TSNAXIP1: variants seen among roughly 807,000 people sequenced by gnomAD.
TSNAXIP1 encodes the protein translin-associated factor X-interacting protein 1.
TSNAXIP1 carries 89 observed loss-of-function variants against 84.8 expected under a neutral mutation model. That is an observed-to-expected ratio of 1.05 (90% CI 0.88 to 1.25). The LOEUF is 1.25. TSNAXIP1 is among the 50% of genes most tolerant of loss of function. The probability of loss-of-function intolerance (pLI) is 0.00; values close to 1 mark genes in which losing one functional copy is unlikely to be tolerated. For missense variants in TSNAXIP1, 874 were observed against 887.6 expected (o/e 0.98, Z 0.20); for synonymous variants, 347 against 335.2 (o/e 1.04, Z -0.39).
intron 2 of TSNAXIP1, among the ~76,000 whole-genome samples, chr16:67,820,144 G>T (rs1188674728): frequency 6.6e-6 from 1 of 150,968 alleles, no homozygotes; most frequent in Non-Finnish European, 1.5e-5. Context: ...TTTTAGTAGA[G>T]ACGGGGTTTC....
chr16:67,811,041 C>G (rs947416068), intron 1 of TSNAXIP1, among the ~76,000 whole-genome samples: 1 of 151,630 alleles, frequency 6.6e-6, no homozygotes, highest in Non-Finnish European at 1.5e-5. Context: ...AGGCAGGTCT[C>G]GAACTCCTGG....
Position 67,828,049 on chromosome 16 carries a change from A to T in TSNAXIP1, c.*56A>T. On this transcript the variant is annotated 3_prime_UTR_variant, in exon 16 of 16. Transcript: ENST00000561639. ...CTGCTAACCCCTAGCTTTTAATATA[A>T]AAGTGTTTGTCTGAATCCATGCCAT... The T allele has an allele frequency of 6.3e-7, 1 of 1,588,694 alleles. No homozygotes were observed. Among genetic ancestry groups the T allele is most frequent in the South Asian group, 1.1e-5 (1 of 87,788 alleles).
In TSNAXIP1 at chr16:67,825,051, C is replaced by T. The variant is rs113741143; in HGVS notation, c.679-86C>T. ...TGTTCACAGTCCCTGATGGGGCCCC[C>T]CAGAACCCAGCCCACTCCCTGGGGT... On this transcript the variant is annotated intron_variant, in intron 6 of 15. Coordinates refer to ENST00000561639, the MANE Select transcript of TSNAXIP1 (RefSeq NM_001288990.3). The T allele has an allele frequency of 3.8e-3, 5,882 of 1,549,590 alleles. 18 individuals are homozygous for T. Among genetic ancestry groups the T allele is most frequent in the Middle Eastern group, 0.015 (64 of 4,328 alleles).
chr16:67,825,199 C>T lies in TSNAXIP1; in HGVS notation c.741C>T (p.Ala247=). 1 of 1,614,184 alleles carries T rather than the reference C, an allele frequency of 6.2e-7. No individual in the cohort carries two copies. The change falls in exon 7 of 16, where the codon GCC becomes GCT. Residue 247 remains alanine (A), a synonymous_variant. Coordinates refer to ENST00000561639, the MANE Select transcript of TSNAXIP1 (RefSeq NM_001288990.3). ...TGCACTACCTCAGTGAGCGAGATGC[C>T]TGTAAGATCCTCATCGCAGACCTGA... ...EYLHYLSERD[A]CKILIADLNE...
chr16:67,819,586 C>T (rs2056865763), intron 2 of TSNAXIP1, among the ~76,000 whole-genome samples: 1 of 151,202 alleles, frequency 6.6e-6, no homozygotes, highest in African/African-American at 2.4e-5. Flanking sequence ...AATAGCTAAT[C>T]TTTACTGAGT....
In TSNAXIP1 at chr16:67,826,963, C is replaced by T. The variant is rs147482112; in HGVS notation, c.1555C>T (p.Arg519Trp). The T allele has an allele frequency of 1.1e-5, 18 of 1,613,890 alleles. No homozygotes were observed. Among genetic ancestry groups the T allele is most frequent in the South Asian group, 3.3e-5 (3 of 91,068 alleles). Residue 519 changes from arginine to tryptophan, a missense_variant and splice_region_variant, in exon 13 of 16, where the codon CGG (arginine) becomes TGG (tryptophan). Physicochemically the swap from Arg to Trp is moderately radical, Grantham distance 101. Coordinates refer to ENST00000561639, the MANE Select transcript of TSNAXIP1 (RefSeq NM_001288990.3). ...SQFYAVLMGK[R>W]SENVYVTQKE... is the part of the protein sequence containing the mutation. Reference sequence around the variant, plus strand: ...GTGAATAATGCTTCTCTCCTTATAGCGGAGTGAGAATGTGTATGTCACCCA... The same window carrying T: ...GTGAATAATGCTTCTCTCCTTATAGTGGAGTGAGAATGTGTATGTCACCCA...
Position 67,821,121 on chromosome 16 carries a change from C to A in TSNAXIP1, c.283C>A (p.Arg95Ser), listed in dbSNP as rs747610440. The A allele has an allele frequency of 1.8e-5, 29 of 1,613,152 alleles. 1 individual carries two copies. In the South Asian group the frequency reaches 2.9e-4, roughly 16 times the overall value. The change falls in exon 4 of 16, where the codon CGC (arginine) becomes AGC (serine). Residue 95 changes from arginine (R) to serine (S), a missense_variant. Physicochemically the swap from Arg to Ser is moderately radical, Grantham distance 110. Transcript: ENST00000561639. Reference protein sequence around the residue: ...RVGSCQQHPFRTAKPQYLEEL... With the variant: ...RVGSCQQHPFSTAKPQYLEEL... Reference sequence around the variant, plus strand: ...CAGGAGCTGCCAGCAGCACCCCTTTCGCACTGCCAAGCCCCAGTACTTGGA... The same window carrying A: ...CAGGAGCTGCCAGCAGCACCCCTTTAGCACTGCCAAGCCCCAGTACTTGGA...
At chr16:67,812,357 AT>A (rs902531165) in intron 1 of TSNAXIP1, among the ~76,000 whole-genome samples, 3 of 150,532 alleles carry the variant, frequency 2.0e-5, no homozygotes, top group Non-Finnish European at 3.0e-5. Flanking sequence ...TGCATATCTC[AT>A]TTTTTTTTAT....
intron 2 of TSNAXIP1, 119 bp downstream of exon 2, chr16:67,814,520 A>G (rs2056380263): frequency 2.4e-6 from 2 of 830,216 alleles, no homozygotes; most frequent in African/African-American, 3.4e-5. Flanking sequence ...CATGCCCACC[A>G]GAGTGGCTTC....
intron 10 of TSNAXIP1, 69 bp from the exon 11 acceptor site, chr16:67,826,367 TG>T (rs1228692762): frequency 6.2e-7 from 1 of 1,607,220 alleles, no homozygotes; most frequent in African/African-American, 1.3e-5. Flanking sequence ...GGGAACCAAC[TG>T]GGGATCTTCC....
Position 67,824,404 on chromosome 16 carries a change from G to A in TSNAXIP1, c.482-179G>A, listed in dbSNP as rs1410706241. ...AGACCCCGGTCTTCATCTGAACTCT[G>A]CCCTTTGTTTAAAATCAAGTGCAGG... is the stretch of plus-strand genomic sequence containing the variant. On this transcript the variant is annotated intron_variant, in intron 5 of 15. Coordinates refer to ENST00000561639, the MANE Select transcript of TSNAXIP1 (RefSeq NM_001288990.3). 5.3e-5 allele frequency among the ~76,000 whole-genome samples: 8 copies of A among 152,320 alleles called. No individual in the cohort carries two copies. The East Asian group carries it at 1.2e-3, about 22-fold the overall frequency.
rs1783805951 is a variant in TSNAXIP1, at chr16:67,807,503, CG to C, written c.47+308del. On this transcript the variant is annotated intron_variant, in intron 1 of 15. Coordinates refer to ENST00000561639, the MANE Select transcript of TSNAXIP1 (RefSeq NM_001288990.3). ...TTTTTGAGACAAGATCTCGTTCTGTCGCCCAGGCTGGAGTGCAGTGGCACTA... is the reference window on the plus strand; with the variant it reads ...TTTTTGAGACAAGATCTCGTTCTGTCCCCAGGCTGGAGTGCAGTGGCACTA... The C allele has an allele frequency of 3.7e-5, 36 of 976,808 alleles. 1 individual carries two copies. The South Asian group carries it at 5.7e-4, about 15-fold the overall frequency. The allele number at this position is 976,808 out of a possible 1,614,324, so 60.5% of individuals were successfully genotyped here.
rs373801439 is a variant in TSNAXIP1 at position 67,821,104 on chromosome 16, G to T, written c.266G>T (p.Cys89Phe). Residue 89 changes from cysteine to phenylalanine, a missense_variant, in exon 4 of 16, where the codon TGC becomes TTC. Coordinates refer to ENST00000561639, the MANE Select transcript of TSNAXIP1 (RefSeq NM_001288990.3). ...TCAGCCACTGTCCCCTGCAGGAGCT[G>T]CCAGCAGCACCCCTTTCGCACTGCC... Reference protein sequence around the residue: ...SDDYRKRVGSCQQHPFRTAKP... With the variant: ...SDDYRKRVGSFQQHPFRTAKP... 6.2e-7 allele frequency: 1 copy of T among 1,613,258 alleles called. No individual in the cohort carries two copies. The highest frequency in any genetic ancestry group is 8.5e-7 in the Non-Finnish European group (1 of 1,179,778).
intron 2 of TSNAXIP1, among the ~76,000 whole-genome samples, chr16:67,819,811 CTAAA>C (rs1205868941): frequency 7.7e-6 from 1 of 129,836 alleles, no homozygotes; most frequent in Non-Finnish European, 1.6e-5. Flanking sequence ...CCACACCTGG[CTAAA>C]TTTTTTTTTT....
chr16:67,827,640 C>G, intron 15 of TSNAXIP1, 61 bp downstream of exon 15: 1 of 1,611,482 alleles, frequency 6.2e-7, no homozygotes, highest in South Asian at 1.1e-5. Flanking sequence ...CCCTGGGTCT[C>G]CCTGTGCACC....
intron 4 of TSNAXIP1, among the ~76,000 whole-genome samples, chr16:67,822,278 C>CAA (rs931299742): frequency 1.1e-3 from 59 of 51,872 alleles, no homozygotes; most frequent in African/African-American, 3.3e-3. Context: ...GACTCCATCT[C>CAA]AAAAAAAAAA....
Position 67,827,276 on chromosome 16 carries a change from C to T in TSNAXIP1, c.1692C>T (p.Leu564=). The change falls in exon 14 of 16, where the codon CTC becomes CTT. Residue 564 remains leucine, a synonymous_variant. Coordinates refer to ENST00000561639, the MANE Select transcript of TSNAXIP1 (RefSeq NM_001288990.3). Reference sequence around the variant, plus strand: ...CTGTCCTCAAGAGTACCTTCCCTCTCAAGACAGAAGAGCAAATCCAGGAGC... The same window carrying T: ...CTGTCCTCAAGAGTACCTTCCCTCTTAAGACAGAAGAGCAAATCCAGGAGC... The part of the protein sequence containing the change: ...FNTVLKSTFP[L]KTEEQIQELM... The T allele has an allele frequency of 6.2e-7, 1 of 1,614,206 alleles. No homozygotes were observed. Among genetic ancestry groups the T allele is most frequent in the Non-Finnish European group, 8.5e-7 (1 of 1,180,038 alleles).
intron 6 of TSNAXIP1, 133 bp downstream of exon 6, chr16:67,824,912 G>A (rs923621291): frequency 8.7e-7 from 1 of 1,145,246 alleles, no homozygotes. Context: ...CCAGAGCCTT[G>A]CTAACTCCAC....
intron 1 of TSNAXIP1, 124 bp downstream of exon 1, chr16:67,807,320 C>T (rs975847408): frequency 6.5e-7 from 1 of 1,534,244 alleles, no homozygotes; most frequent in African/African-American, 1.4e-5. Flanking sequence ...GGCTCCAGCA[C>T]CACAGAGTCA....
Sources: allele counts gnomAD v4.1 joint callset (sites outside exome capture counted in the v4.1 genomes callset), GRCh38; gene constraint gnomAD v4.1.1; transcripts MANE v1.5; gene names NCBI Gene and HGNC (gene_info 2026-07-23, HGNC 2026-07-21).